ZNF236: variants seen among roughly 807,000 people sequenced by gnomAD.
ZNF236 encodes regulated by glucose.
Under a neutral mutation model 191.2 loss-of-function variants are expected in ZNF236, and 50 were observed. The observed-to-expected ratio is 0.26, with a 90% CI of 0.21 to 0.33. The LOEUF (loss-of-function observed/expected upper bound fraction) is 0.33. ZNF236 is among the 10% of genes least tolerant of loss of function. The probability of loss-of-function intolerance (pLI) is 1.00; values close to 1 mark genes in which losing one functional copy is unlikely to be tolerated. For synonymous variants in ZNF236, 907 were observed against 928.8 expected (o/e 0.98, Z 0.43); for missense variants, 1,754 against 2,374.5 (o/e 0.74, Z 5.43).
intron 5 of ZNF236, among the ~76,000 whole-genome samples, chr18:76,873,921 AC>A (rs1976646487): frequency 1.3e-5 from 2 of 148,352 alleles, no homozygotes; most frequent in Admixed American, 6.7e-5. Context: ...CAGAGCCGTG[AC>A]CGGGCCACAC....
chr18:76,856,417 A>C (rs554441074), intron 3 of ZNF236, among the ~76,000 whole-genome samples: 2 of 152,236 alleles, frequency 1.3e-5, no homozygotes, highest in East Asian at 1.9e-4. Context: ...TCCTCACCTC[A>C]GGTGATCCAC....
chr18:76,850,505 A>G (rs1191756172), intron 2 of ZNF236, among the ~76,000 whole-genome samples: 1 of 152,192 alleles, frequency 6.6e-6, no homozygotes, highest in Non-Finnish European at 1.5e-5. Flanking sequence ...TCTTTTTACA[A>G]GTGAATAGCA....
chr18:76,921,737 C>CTTTTTTTTTTT (rs11380490), intron 20 of ZNF236, among the ~76,000 whole-genome samples: 5 of 98,046 alleles, frequency 5.1e-5, no homozygotes, highest in Non-Finnish European at 7.7e-5. Context: ...GTGGGATGTT[C>CTTTTTTTTTTT]TTTTTTTTTT....
At chr18:76,924,696 A>G (rs2122826313) in intron 21 of ZNF236, among the ~76,000 whole-genome samples, 1 of 152,256 alleles carries the variant, frequency 6.6e-6, no homozygotes, top group African/African-American at 2.4e-5. Context: ...CAGCCCTTTG[A>G]CCCTAGCATA....
intron 1 of ZNF236, among the ~76,000 whole-genome samples, chr18:76,828,168 C>CTTT (rs940904936): frequency 1.4e-5 from 2 of 138,902 alleles, no homozygotes; most frequent in Admixed American, 7.3e-5. Flanking sequence ...TAGGGCTTTA[C>CTTT]TTTTTTTTTT....
Position 76,927,674 on chromosome 18 carries a change from A to G in ZNF236, c.4414+157A>G, listed in dbSNP as rs1198824901. On this transcript the variant is annotated intron_variant, in intron 24 of 30. Transcript: ENST00000320610. This position sits in a 1 kb window ranked among gnomAD's most constrained non-coding sequence, Gnocchi z 5.4. ...GAGAATAAAATAAGCTTTTCTTACAATTAATGATATGTATTTAATATATGC... is the reference window on the plus strand; with the variant it reads ...GAGAATAAAATAAGCTTTTCTTACAGTTAATGATATGTATTTAATATATGC... Among the ~76,000 whole-genome samples the G allele has an allele frequency of 2.0e-5, 3 of 152,188 alleles. No individual in the cohort carries two copies. Among genetic ancestry groups the G allele is most frequent in the Non-Finnish European group, 4.4e-5 (3 of 68,044 alleles).
intron 1 of ZNF236, among the ~76,000 whole-genome samples, chr18:76,847,566 C>T (rs1055516597): frequency 1.3e-5 from 2 of 152,038 alleles, no homozygotes; most frequent in Non-Finnish European, 2.9e-5. Context: ...CCCAGGTTCA[C>T]GCCTTTCTCC....
chr18:76,925,374 G>A lies in ZNF236; in HGVS notation c.3847G>A (p.Ala1283Thr). Residue 1283 changes from alanine (A) to threonine (T), a missense_variant, in exon 22 of 31, where the codon GCC becomes ACC. Transcript: ENST00000320610. The surrounding 1 kb of genome is among the most constrained non-coding windows in gnomAD (Gnocchi z 5.7). ...QFHYKPDPKKARKPMTRSSSE... is the reference protein window; with the variant it reads ...QFHYKPDPKKTRKPMTRSSSE... ...TCATTATAAACCAGACCCAAAGAAG[G>A]CCAGAAAGCCTATGACTCGAAGCTC... 2 of 1,614,140 alleles carry A rather than the reference G, an allele frequency of 1.2e-6. No homozygotes were observed. The highest frequency in any genetic ancestry group is 1.1e-5 in the South Asian group (1 of 91,074).
rs573371091 is a variant in ZNF236, at chr18:76,904,724, G to A, written c.2036+203G>A. Among the ~76,000 whole-genome samples the A allele has an allele frequency of 3.3e-5, 5 of 152,284 alleles. No homozygotes were observed. The East Asian group carries it at 7.7e-4, about 23-fold the overall frequency. On this transcript the variant is annotated intron_variant, in intron 12 of 30. Coordinates refer to ENST00000320610, the MANE Select transcript of ZNF236 (RefSeq NM_001306089.2). ...ATTTTATCCAGAAATTGCTACTGGA[G>A]TTTATGTATATGCTCATTAAATTTC...
chr18:76,926,709 G>GTATAAACGGTGATTAGACTGTGTGTATGA (rs1967693027), intron 22 of ZNF236, among the ~76,000 whole-genome samples: 1 of 18,992 alleles, frequency 5.3e-5, no homozygotes, highest in African/African-American at 1.9e-4. Flanking sequence ...TGTGTGTATG[G>GTATAAACGGTGATTAGACTGTGTGTATGA]TATAAAGGGT....
intron 3 of ZNF236, among the ~76,000 whole-genome samples, chr18:76,866,473 G>C (rs567070258): frequency 6.6e-6 from 1 of 152,206 alleles, no homozygotes; most frequent in Admixed American, 6.5e-5. Flanking sequence ...CCAAACACTC[G>C]GAGTCTGGTG....
chr18:76,834,519 T>C (rs1406169700), intron 1 of ZNF236: 2 of 485,444 alleles, frequency 4.1e-6, no homozygotes, highest in Non-Finnish European at 8.0e-6. Context: ...CAAGGAGCAT[T>C]TTGCGGTCTT....
chr18:76,889,830 T>C (rs1486283269), intron 9 of ZNF236, among the ~76,000 whole-genome samples: 1 of 152,246 alleles, frequency 6.6e-6, no homozygotes, highest in East Asian at 1.9e-4. Flanking sequence ...TACTGTCTTC[T>C]GTGTCTTTTA....
intron 17 of ZNF236, 137 bp downstream of exon 17, chr18:76,912,484 T>C (rs2122772501): frequency 1.7e-6 from 1 of 586,226 alleles, no homozygotes; most frequent in African/African-American, 1.9e-5. Flanking sequence ...TCATCCATAT[T>C]CTGTAAATAA....
chr18:76,843,663 C>G (rs1287017531), intron 1 of ZNF236, among the ~76,000 whole-genome samples: 5 of 150,626 alleles, frequency 3.3e-5, no homozygotes. Context: ...GTAGTCCCAG[C>G]TACTCAGGAG....
intron 9 of ZNF236, among the ~76,000 whole-genome samples, chr18:76,893,080 C>T (rs1977297167): frequency 1.3e-5 from 2 of 152,170 alleles, no homozygotes; most frequent in South Asian, 4.1e-4. Context: ...CTAGTCTATT[C>T]ACAGATATTA....
rs756776022 is a variant in ZNF236, at chr18:76,908,587, G to T, written c.2551+14G>T. On this transcript the variant is annotated intron_variant, in intron 14 of 30. Transcript: ENST00000320610. ...AAGCAGATGAAGGTAAATGTTTCAG[G>T]ATATTTAACTTTGAGTGATCCCAGC... 5 of 1,589,802 alleles carry T rather than the reference G, an allele frequency of 3.1e-6. No individual in the cohort carries two copies. The highest frequency in any genetic ancestry group is 2.7e-5 in the African/African-American group (2 of 74,660).
rs201756473 is a variant in ZNF236 at position 76,931,889 on chromosome 18, GA to G, written c.4594+3792del. ...CCAACTATGTATATCACTTTGTGAG[GA>G]AAAAAAAACTAATCTTCAGATATGT... On this transcript the variant is annotated intron_variant, in intron 25 of 30. Coordinates refer to ENST00000320610, the MANE Select transcript of ZNF236 (RefSeq NM_001306089.2). Among the ~76,000 whole-genome samples, 468 of 150,686 alleles carry G rather than the reference GA, an allele frequency of 3.1e-3. 20 individuals are homozygous for G. In the East Asian group the frequency reaches 0.079, roughly 25 times the overall value.
At chr18:76,834,375 G>GTT (rs202202508) in intron 1 of ZNF236, 5 of 151,508 alleles carry the variant, frequency 3.3e-5, no homozygotes, top group Middle Eastern at 3.1e-3. Context: ...TTTCCTTAGG[G>GTT]TTTTTTTTTT....
Sources: allele counts gnomAD v4.1 joint callset (sites outside exome capture counted in the v4.1 genomes callset), GRCh38; gene constraint gnomAD v4.1.1; non-coding constraint Gnocchi (gnomAD v3.1); transcripts MANE v1.5; gene names NCBI Gene and HGNC (gene_info 2026-07-23, HGNC 2026-07-21).